The following ATXN1 variants were observed in gnomAD, a reference collection of about 807,000 sequenced individuals.
ATXN1 encodes the protein ataxin-1.
Under a neutral mutation model 56.4 loss-of-function variants are expected in ATXN1, and 8 were observed. That is an observed-to-expected ratio of 0.14 (90% CI 0.08 to 0.26). The LOEUF (loss-of-function observed/expected upper bound fraction) is 0.26, where lower values mean the gene tolerates loss of function less well. Ranked by LOEUF, ATXN1 falls within the 10% of genes least tolerant of loss-of-function variation. The probability of loss-of-function intolerance (pLI) is 1.00; values close to 1 mark genes in which losing one functional copy is unlikely to be tolerated. For synonymous variants in ATXN1, 514 were observed against 494.6 expected, an observed-to-expected ratio of 1.04 and a Z score of -0.52; for missense variants, 987 against 1,106.5, an observed-to-expected ratio of 0.89 and a Z score of 1.53.
At chr6:16,733,315 C>T (rs2113489378) in intron 2 of ATXN1, among the ~76,000 whole-genome samples, 1 of 152,356 alleles carries the variant, frequency 6.6e-6, no homozygotes, top group Admixed American at 6.5e-5. Flanking sequence ...AATCCCAACA[C>T]TTTGGGAGGC....
At chr6:16,597,687 G>A (rs1326738069) in intron 3 of ATXN1, among the ~76,000 whole-genome samples, 1 of 150,992 alleles carries the variant, frequency 6.6e-6, no homozygotes, top group African/African-American at 2.5e-5. Flanking sequence ...TGATCCACCC[G>A]CCTCGGCCTC....
At chr6:16,424,587 A>G (rs1759110509) in intron 6 of ATXN1, among the ~76,000 whole-genome samples, 1 of 152,238 alleles carries the variant, frequency 6.6e-6, no homozygotes, top group Non-Finnish European at 1.5e-5. Flanking sequence ...TTTATGGGGA[A>G]TCAACTGGAA....
chr6:16,474,283 C>T (rs1438485532), intron 6 of ATXN1, among the ~76,000 whole-genome samples: 1 of 152,224 alleles, frequency 6.6e-6, no homozygotes, highest in South Asian at 2.1e-4. Flanking sequence ...TGAAGCAGAG[C>T]TTGAAAAGCA....
chr6:16,523,370 A>G (rs1761331200), intron 4 of ATXN1, among the ~76,000 whole-genome samples: 1 of 152,134 alleles, frequency 6.6e-6, no homozygotes, highest in Non-Finnish European at 1.5e-5. Flanking sequence ...CCTCCCTCCA[A>G]AGTCCCTCTC....
In ATXN1 at chr6:16,662,341, T is replaced by A. The variant is rs55938980; in HGVS notation, c.-614-4440A>T. Among the ~76,000 whole-genome samples the A allele has an allele frequency of 1.7e-4, 16 of 93,702 alleles. No individual in the cohort carries two copies. The East Asian group carries it at 5.1e-3, about 30-fold the overall frequency. 61.5% of individuals were successfully genotyped at this position (93,702 alleles called of 152,430 possible). Reference sequence around the variant, plus strand: ...CTGCATCTTCATCAAACTTCTTTTTTTTTTTTTTGAAATAGAGTTTTGCTC... The same window carrying A: ...CTGCATCTTCATCAAACTTCTTTTTATTTTTTTTGAAATAGAGTTTTGCTC... On this transcript the variant is annotated intron_variant, in intron 2 of 7. Coordinates refer to ENST00000436367, the MANE Select transcript of ATXN1 (RefSeq NM_001128164.2).
At chr6:16,476,353 A>T (rs1760326671) in intron 6 of ATXN1, among the ~76,000 whole-genome samples, 1 of 152,170 alleles carries the variant, frequency 6.6e-6, no homozygotes, top group African/African-American at 2.4e-5. Context: ...AATTTCTTCT[A>T]AAAAAGCAAC....
chr6:16,676,038 T>C (rs976641348), intron 2 of ATXN1, among the ~76,000 whole-genome samples: 1 of 152,212 alleles, frequency 6.6e-6, no homozygotes, highest in African/African-American at 2.4e-5. Flanking sequence ...TGCTGCATTA[T>C]GAATGAAAAC....
At chr6:16,409,407 C>T (rs373927429) in intron 6 of ATXN1, among the ~76,000 whole-genome samples, 2 of 152,102 alleles carry the variant, frequency 1.3e-5, no homozygotes, top group Non-Finnish European at 2.9e-5. Flanking sequence ...AATCAAAGCA[C>T]TTTGGGAGGC....
chr6:16,694,943 T>C (rs970628942), intron 2 of ATXN1, among the ~76,000 whole-genome samples: 1 of 152,210 alleles, frequency 6.6e-6, no homozygotes, highest in Non-Finnish European at 1.5e-5. Context: ...GTAAGTGATT[T>C]CACTTCCTGT....
intron 6 of ATXN1, among the ~76,000 whole-genome samples, chr6:16,379,848 C>A (rs1428365996): frequency 6.6e-6 from 1 of 152,094 alleles, no homozygotes; most frequent in Non-Finnish European, 1.5e-5. Flanking sequence ...TTGAACATAT[C>A]CTCAAGATGA....
In ATXN1 at chr6:16,442,082, C is replaced by CA; in HGVS notation, c.-161+43889dup. 1.3e-5 allele frequency among the ~76,000 whole-genome samples: 2 copies of CA among 152,160 alleles called. 1 individual carries two copies. Among genetic ancestry groups the CA allele is most frequent in the South Asian group, 4.1e-4 (2 of 4,828 alleles). On this transcript the variant is annotated intron_variant, in intron 6 of 7. Transcript: ENST00000436367. ...AACAAAAAAAAATTCTTTGGACACT[C>CA]AGGTAAAATGACTGAGTTACCTATA...
intron 4 of ATXN1, among the ~76,000 whole-genome samples, chr6:16,578,715 G>A (rs1437166288): frequency 6.6e-6 from 1 of 151,472 alleles, no homozygotes; most frequent in Non-Finnish European, 1.5e-5. Context: ...TGCCAGCACA[G>A]CCTGATAACT....
At chr6:16,364,655 A>C (rs1435679078) in intron 6 of ATXN1, among the ~76,000 whole-genome samples, 1 of 152,226 alleles carries the variant, frequency 6.6e-6, no homozygotes, top group East Asian at 1.9e-4. Flanking sequence ...CCTACTGCTC[A>C]AGGATACTTG....
At chr6:16,344,382 G>A (rs1425032863) in intron 6 of ATXN1, among the ~76,000 whole-genome samples, 1 of 152,180 alleles carries the variant, frequency 6.6e-6, no homozygotes, top group Non-Finnish European at 1.5e-5. Flanking sequence ...GTTGCCAAAG[G>A]AGATAAACAT....
intron 6 of ATXN1, among the ~76,000 whole-genome samples, chr6:16,416,051 A>C (rs1758898370): frequency 6.6e-6 from 1 of 151,434 alleles, no homozygotes; most frequent in Admixed American, 6.6e-5. Flanking sequence ...GATCGTCAGG[A>C]AAGTGTTTAA....
chr6:16,754,003 T>A (rs577289136), intron 1 of ATXN1: 2 of 152,276 alleles, frequency 1.3e-5, no homozygotes, highest in African/African-American at 4.8e-5. Flanking sequence ...AATGTGTGAA[T>A]GGATGAATGA....
intron 5 of ATXN1, among the ~76,000 whole-genome samples, chr6:16,513,763 CAGCAAGGGT>C (rs1305987498): frequency 6.6e-6 from 1 of 152,088 alleles, no homozygotes; most frequent in East Asian, 1.9e-4. Context: ...AGGTTCTGAC[CAGCAAGGGT>C]AGCCTAGGGC....
At chr6:16,743,934 C>T (rs142580001) in intron 2 of ATXN1, among the ~76,000 whole-genome samples, 3 of 152,274 alleles carry the variant, frequency 2.0e-5, no homozygotes, top group African/African-American at 7.2e-5. Context: ...GTCCTCAAAA[C>T]CTATGGAGCC....
chr6:16,384,382 A>G (rs1758195799), intron 6 of ATXN1, among the ~76,000 whole-genome samples: 1 of 152,240 alleles, frequency 6.6e-6, no homozygotes, highest in Non-Finnish European at 1.5e-5. Flanking sequence ...ATAGCAAGGA[A>G]TGCAGGTGTG....
Sources: gnomAD v4.1 joint callset for allele counts (sites outside exome capture counted in the v4.1 genomes callset) on GRCh38, gnomAD v4.1.1 for gene constraint, MANE v1.5 for transcripts, NCBI Gene and HGNC (gene_info 2026-07-23, HGNC 2026-07-21) for gene names.